The following CNNM2 variants were observed in gnomAD, a reference collection of about 807,000 sequenced individuals.
CNNM2 encodes the protein metal transporter CNNM2.
Under a neutral mutation model 66.9 loss-of-function variants are expected in CNNM2, and 12 were observed. The observed-to-expected ratio is 0.18, with a 90% CI of 0.11 to 0.29. CNNM2 has a LOEUF of 0.29. Among genes scored for constraint, CNNM2 ranks in the 10% least tolerant of loss-of-function variants. The pLI, the probability that CNNM2 is intolerant of heterozygous loss-of-function variation, is 1.00. For synonymous variants in CNNM2, 557 were observed against 501.8 expected, an observed-to-expected ratio of 1.11 and a Z score of -1.47; for missense variants, 705 against 1,167.7, an observed-to-expected ratio of 0.60 and a Z score of 5.77.
intron 1 of CNNM2, among the ~76,000 whole-genome samples, chr10:102,944,701 A>G (rs1846549007): frequency 6.6e-6 from 1 of 151,742 alleles, no homozygotes; most frequent in Non-Finnish European, 1.5e-5. Context: ...TTCAGCATGT[A>G]TCTCTTAAGT....
chr10:103,034,987 A>ATAAT lies in CNNM2; in HGVS notation c.1622-14720_1622-14719insTAAT, dbSNP rs1554901999. Among the ~76,000 whole-genome samples, 198 of 147,706 alleles carry ATAAT rather than the reference A, an allele frequency of 1.3e-3. 3 individuals are homozygous for ATAAT. The highest frequency in any genetic ancestry group is 3.5e-3 in the Middle Eastern group (1 of 284). On this transcript the variant is annotated intron_variant, in intron 1 of 7. Coordinates refer to ENST00000369878, the MANE Select transcript of CNNM2 (RefSeq NM_017649.5). ...GACTCCGTCTCAAAAAAAAAAAAAAAAAATCTCCTACTATTGGCTGGGCAT... is the reference window on the plus strand; with the variant it reads ...GACTCCGTCTCAAAAAAAAAAAAAAATAATAAATCTCCTACTATTGGCTGGGCAT...
chr10:102,999,695 A>G (rs2064079309), intron 1 of CNNM2, among the ~76,000 whole-genome samples: 1 of 152,132 alleles, frequency 6.6e-6, no homozygotes, highest in South Asian at 2.1e-4. Context: ...TGATCCCAAA[A>G]TTCATGTGGA....
chr10:103,075,721 C>T (rs1004155927), intron 6 of CNNM2, among the ~76,000 whole-genome samples: 4 of 152,226 alleles, frequency 2.6e-5, no homozygotes, highest in Admixed American at 1.3e-4. Flanking sequence ...GCGTAGCCTA[C>T]CTTTGATATC....
At chr10:102,988,859 A>AG (rs1373677698) in intron 1 of CNNM2, among the ~76,000 whole-genome samples, 2 of 152,198 alleles carry the variant, frequency 1.3e-5, no homozygotes. Flanking sequence ...TTAATGGCTT[A>AG]GGTGACCGAC....
At position 103,081,213 on chromosome 10, in the gene CNNM2, T is replaced by C. The variant is rs7921574; in HGVS notation, c.*4033T>C. 61,595 of 152,154 alleles carry C rather than the reference T, an allele frequency of 0.4. 12,643 individuals carry two copies. Among genetic ancestry groups the C allele is most frequent in the East Asian group, 0.49 (2,500 of 5,150 alleles). The allele number at this position is 152,154 out of a possible 1,614,324, so 9.4% of individuals were successfully genotyped here. A position where few individuals can be genotyped will look rare whatever the true frequency, so the allele number is the denominator to read the frequency against. On this transcript the variant is annotated 3_prime_UTR_variant, in exon 8 of 8. Transcript: ENST00000369878. ...TCCCCTCTGCTTTTGAGCCCAGATATGGGCTTTTCTTTGCAAAGGGTTGAG... is the reference window on the plus strand; with the variant it reads ...TCCCCTCTGCTTTTGAGCCCAGATACGGGCTTTTCTTTGCAAAGGGTTGAG...
intron 1 of CNNM2, among the ~76,000 whole-genome samples, chr10:103,031,828 G>A (rs1041359407): frequency 3.5e-5 from 2 of 56,480 alleles, no homozygotes; most frequent in South Asian, 8.6e-4. Context: ...GTCTGCTTAA[G>A]TACAAAATGC....
At chr10:102,983,069 CTTA>C (rs2063741203) in intron 1 of CNNM2, among the ~76,000 whole-genome samples, 1 of 151,904 alleles carries the variant, frequency 6.6e-6, no homozygotes, top group South Asian at 2.1e-4. Context: ...TATTTTGTGG[CTTA>C]TTGTTTGTTC....
chr10:102,949,414 ATC>A (rs1398438753), intron 1 of CNNM2, among the ~76,000 whole-genome samples: 6 of 151,774 alleles, frequency 4.0e-5, no homozygotes, highest in Middle Eastern at 3.4e-3. Flanking sequence ...ACCTCAGGTA[ATC>A]CGCCTGCCTC....
chr10:103,024,001 A>G (rs1430237266), intron 1 of CNNM2, among the ~76,000 whole-genome samples: 1 of 152,120 alleles, frequency 6.6e-6, no homozygotes, highest in Non-Finnish European at 1.5e-5. Context: ...ACCTAATTCC[A>G]TCATCACTCT....
chr10:102,993,522 G>T (rs2063933413), intron 1 of CNNM2, among the ~76,000 whole-genome samples: 1 of 152,060 alleles, frequency 6.6e-6, no homozygotes, highest in Admixed American at 6.6e-5. Flanking sequence ...GATAATTTTG[G>T]AATGTTTTTT....
In CNNM2 at chr10:103,054,604, T is replaced by C; in HGVS notation, c.1903+138T>C. 1 of 735,918 alleles carries C rather than the reference T, an allele frequency of 1.4e-6. No individual in the cohort carries two copies. The highest frequency in any genetic ancestry group is 2.0e-6 in the Non-Finnish European group (1 of 503,614). The allele number at this position is 735,918 out of a possible 1,614,324, so 45.6% of individuals were successfully genotyped here. A position where few individuals can be genotyped will look rare whatever the true frequency, so the allele number is the denominator to read the frequency against. ...ATGCCACTTTTGTGTTTTGTTTTTTTTGTTTTTTTGTTTTGTTTTGTTTTT... is the reference window on the plus strand; with the variant it reads ...ATGCCACTTTTGTGTTTTGTTTTTTCTGTTTTTTTGTTTTGTTTTGTTTTT... On this transcript the variant is annotated intron_variant, in intron 3 of 7. Coordinates refer to ENST00000369878, the MANE Select transcript of CNNM2 (RefSeq NM_017649.5). This position sits in a 1 kb window ranked among gnomAD's most constrained non-coding sequence, Gnocchi z 5.2.
At chr10:103,040,390 C>A (rs537926622) in intron 1 of CNNM2, among the ~76,000 whole-genome samples, 1 of 151,736 alleles carries the variant, frequency 6.6e-6, no homozygotes, top group Admixed American at 6.6e-5. Context: ...CAAGTCTGGG[C>A]GGATGAAGCT....
intron 1 of CNNM2, among the ~76,000 whole-genome samples, chr10:103,018,743 C>G (rs1454112819): frequency 7.0e-6 from 1 of 143,140 alleles, no homozygotes; most frequent in East Asian, 2.1e-4. Flanking sequence ...ACTGCAACCT[C>G]CAACTCTCGG....
chr10:102,951,652 T>C (rs1846838520), intron 1 of CNNM2, among the ~76,000 whole-genome samples: 1 of 151,754 alleles, frequency 6.6e-6, no homozygotes, highest in Admixed American at 6.6e-5. Context: ...TTTTTTTTTT[T>C]TTTACAGACA....
chr10:102,999,814 G>A (rs189546762), intron 1 of CNNM2, among the ~76,000 whole-genome samples: 1 of 152,300 alleles, frequency 6.6e-6, no homozygotes, highest in East Asian at 1.9e-4. Flanking sequence ...CTAGGGAAAT[G>A]CAAATTAAAA....
chr10:102,921,574 TC>T (rs1845639053), intron 1 of CNNM2, among the ~76,000 whole-genome samples: 1 of 152,196 alleles, frequency 6.6e-6, no homozygotes, highest in Non-Finnish European at 1.5e-5. Context: ...AAAGAAAATG[TC>T]CAGTATCTCT....
At chr10:103,051,368 T>A (rs1590463899) in intron 2 of CNNM2, among the ~76,000 whole-genome samples, 1 of 151,274 alleles carries the variant, frequency 6.6e-6, no homozygotes. Context: ...GAGGCGGAGG[T>A]TGCAGTGAGC....
intron 1 of CNNM2, among the ~76,000 whole-genome samples, chr10:102,973,543 A>G (rs2063579830): frequency 6.6e-6 from 1 of 151,214 alleles, no homozygotes; most frequent in Admixed American, 6.6e-5. Context: ...GGTAGAGACA[A>G]GGTCTTACTA....
intron 1 of CNNM2, among the ~76,000 whole-genome samples, chr10:103,008,155 T>A (rs1407370355): frequency 6.6e-6 from 1 of 151,952 alleles, no homozygotes; most frequent in Admixed American, 6.6e-5. Context: ...TTTTTTTTTT[T>A]AAACCAGTTT....
Sources: allele counts gnomAD v4.1 joint callset (sites outside exome capture counted in the v4.1 genomes callset), GRCh38; gene constraint gnomAD v4.1.1; non-coding constraint Gnocchi (gnomAD v3.1); transcripts MANE v1.5; gene names NCBI Gene and HGNC (gene_info 2026-07-23, HGNC 2026-07-21).